Variants in PCDHGB1 observed in about 807,000 individuals in gnomAD.
PCDHGB1 encodes protocadherin gamma subfamily B, 1.
A neutral mutation model predicts 56.6 loss-of-function variants in PCDHGB1; 34 were observed. The ratio of observed to expected loss-of-function variants is 0.60; its 90% CI spans 0.46 to 0.80. The LOEUF (loss-of-function observed/expected upper bound fraction) is 0.80, where lower values mean the gene tolerates loss of function less well. PCDHGB1 is among the 30% of genes least tolerant of loss of function. The pLI, the probability that PCDHGB1 is intolerant of heterozygous loss-of-function variation, is 0.00. For missense variants in PCDHGB1, 1,278 were observed against 1,204.6 expected (o/e 1.06, Z -0.90); for synonymous variants, 561 against 505.9 (o/e 1.11, Z -1.46).
chr5:141,415,336 C>T (rs746539261), intron 1 of PCDHGB1: 5 of 1,614,200 alleles, frequency 3.1e-6, no homozygotes, highest in South Asian at 2.2e-5. Flanking sequence ...GCACAGGCTG[C>T]GGCGCTGGCA....
At chr5:141,495,974 CTCTT>C (rs1562171251) in intron 2 of PCDHGB1, among the ~76,000 whole-genome samples, 2 of 152,032 alleles carry the variant, frequency 1.3e-5, no homozygotes, top group Non-Finnish European at 1.5e-5. Context: ...TTCTCTGTTA[CTCTT>C]TCTTTATCTC....
chr5:141,444,524 A>G (rs563709940), intron 1 of PCDHGB1, among the ~76,000 whole-genome samples: 47 of 152,224 alleles, frequency 3.1e-4, no homozygotes, highest in African/African-American at 1.1e-3. Context: ...AGTAGGTGAG[A>G]CAGTGACTGT....
At chr5:141,419,359 G>C (rs1257423360) in intron 1 of PCDHGB1, 1 of 1,613,796 alleles carries the variant, frequency 6.2e-7, no homozygotes. Flanking sequence ...AGTCACGAAC[G>C]CTGTCGTCCT....
intron 1 of PCDHGB1, chr5:141,405,384 CA>C: frequency 1.9e-6 from 3 of 1,600,664 alleles, no homozygotes; most frequent in Non-Finnish European, 2.6e-6. Context: ...CCGGTGAGTT[CA>C]TTTTTTTTCT....
At chr5:141,501,987 G>A (rs1462571527) in intron 2 of PCDHGB1, among the ~76,000 whole-genome samples, 2 of 152,016 alleles carry the variant, frequency 1.3e-5, no homozygotes, top group Non-Finnish European at 2.9e-5. Flanking sequence ...TGGTCCCGTT[G>A]TCTCCCTGAC....
intron 1 of PCDHGB1, chr5:141,356,408 G>T (rs375778889): frequency 6.3e-7 from 1 of 1,595,544 alleles, no homozygotes; most frequent in South Asian, 1.1e-5. Context: ...AATTATTATC[G>T]GTTGTTGACA....
chr5:141,408,249 T>A, intron 1 of PCDHGB1: 1 of 1,589,992 alleles, frequency 6.3e-7, no homozygotes, highest in Non-Finnish European at 8.6e-7. Flanking sequence ...CCGCGGCAGG[T>A]GCTATTTCCT....
At chr5:141,397,965 C>A in intron 1 of PCDHGB1, 1 of 1,077,484 alleles carries the variant, frequency 9.3e-7, no homozygotes. Flanking sequence ...AGCTCAGACT[C>A]CCCAGCGCCG....
At chr5:141,438,591 C>CATATATATATATATATATAT (rs946798767) in intron 1 of PCDHGB1, among the ~76,000 whole-genome samples, 1 of 75,562 alleles carries the variant, frequency 1.3e-5, no homozygotes, top group Non-Finnish European at 2.7e-5. Context: ...TACATACATA[C>CATATATATATATATATATAT]ATATATATAT....
chr5:141,375,981 T>A, intron 1 of PCDHGB1: 1 of 1,613,410 alleles, frequency 6.2e-7, no homozygotes, highest in Non-Finnish European at 8.5e-7. Flanking sequence ...CGCGCCCTGC[T>A]GGACAGAGAC....
In PCDHGB1 at chr5:141,351,441, C is replaced by T. The variant is rs768328873; in HGVS notation, c.1181C>T (p.Ser394Leu). Residue 394 changes from serine to leucine, a missense_variant, in exon 1 of 4, where the codon TCG (serine) becomes TTG (leucine). Coordinates refer to ENST00000523390, the MANE Select transcript of PCDHGB1 (RefSeq NM_018922.3). ...EEVPFKLEST[S>L]KNYYKLVIAG... ...GTTCCTTTCAAATTAGAATCCACCTCGAAGAATTATTACAAGCTGGTGATT... is the reference window on the plus strand; with the variant it reads ...GTTCCTTTCAAATTAGAATCCACCTTGAAGAATTATTACAAGCTGGTGATT... 1.1e-5 allele frequency: 17 copies of T among 1,612,464 alleles called. No homozygotes were observed. The highest frequency in any genetic ancestry group is 1.4e-5 in the Non-Finnish European group (16 of 1,179,110).
chr5:141,372,757 T>G, intron 1 of PCDHGB1: 1 of 1,613,122 alleles, frequency 6.2e-7, no homozygotes, highest in Non-Finnish European at 8.5e-7. Context: ...GCCTCTTGGT[T>G]TGAAAGTAAT....
chr5:141,416,178 C>G (rs1392436592), intron 1 of PCDHGB1: 3 of 152,408 alleles, frequency 2.0e-5, no homozygotes, highest in African/African-American at 2.4e-5. Context: ...CTAAGTTTTT[C>G]ATTAATATTG....
intron 1 of PCDHGB1, chr5:141,404,901 G>A: frequency 6.2e-7 from 1 of 1,613,848 alleles, no homozygotes; most frequent in African/African-American, 1.3e-5. Flanking sequence ...CAGGACCATG[G>A]CCAGCCCCCT....
At chr5:141,383,441 C>T (rs529896434) in intron 1 of PCDHGB1, 15 of 1,613,978 alleles carry the variant, frequency 9.3e-6, no homozygotes, top group South Asian at 7.7e-5. Flanking sequence ...TTCTCCCTGG[C>T]TGTGCAAAGT....
chr5:141,383,795 G>A (rs376874310), intron 1 of PCDHGB1: 12 of 1,613,822 alleles, frequency 7.4e-6, no homozygotes, highest in East Asian at 4.5e-5. Flanking sequence ...TCGCTTACAG[G>A]AGAAATATCA....
In PCDHGB1 at chr5:141,491,081, C is replaced by T; in HGVS notation, c.2410-3726C>T. The T allele has an allele frequency of 6.2e-7, 1 of 1,614,176 alleles. No individual in the cohort carries two copies. The highest frequency in any genetic ancestry group is 8.5e-7 in the Non-Finnish European group (1 of 1,180,010). On this transcript the variant is annotated intron_variant, in intron 1 of 3. Coordinates refer to ENST00000523390, the MANE Select transcript of PCDHGB1 (RefSeq NM_018922.3). The surrounding 1 kb of genome is among the most constrained non-coding windows in gnomAD (Gnocchi z 6.9). Reference sequence around the variant, plus strand: ...TCCTACTCACTGTTGCCACAGTCCACAGCCCCAGGACTGTTCCTCGTGTCT... The same window carrying T: ...TCCTACTCACTGTTGCCACAGTCCATAGCCCCAGGACTGTTCCTCGTGTCT...
chr5:141,393,584 A>G, intron 1 of PCDHGB1: 1 of 1,613,892 alleles, frequency 6.2e-7, no homozygotes, highest in African/African-American at 1.3e-5. Context: ...ACATGCCCCC[A>G]GGCACGCGGC....
chr5:141,372,802 T>G, intron 1 of PCDHGB1: 1 of 1,594,058 alleles, frequency 6.3e-7, no homozygotes, highest in Non-Finnish European at 8.6e-7. Flanking sequence ...TCAGGCAATT[T>G]GCAAAAGGTG....
Sources: gnomAD v4.1 joint callset for allele counts (sites outside exome capture counted in the v4.1 genomes callset) on GRCh38, gnomAD v4.1.1 for gene constraint, Gnocchi (gnomAD v3.1) non-coding constraint, MANE v1.5 for transcripts, NCBI Gene and HGNC (gene_info 2026-07-23, HGNC 2026-07-21) for gene names.